Variants in ABCB1 observed in about 807,000 individuals in gnomAD.
ABCB1 encodes the protein ATP binding cassette subfamily B member 1, also known as ATP-dependent translocase ABCB1.
In ABCB1, 69 loss-of-function variants were observed where a neutral mutation model predicts 142.0. The observed-to-expected ratio is 0.49, with a 90% CI of 0.40 to 0.59. The LOEUF (loss-of-function observed/expected upper bound fraction) is 0.59, where lower values mean the gene tolerates loss of function less well. Ranked by LOEUF, ABCB1 falls within the 20% of genes least tolerant of loss-of-function variation. The pLI, the probability that ABCB1 is intolerant of heterozygous loss-of-function variation, is 0.00. For synonymous variants in ABCB1, 532 were observed against 539.2 expected (o/e 0.99, Z 0.18); for missense variants, 1,326 against 1,554.7 (o/e 0.85, Z 2.47).
At position 87,626,487 on chromosome 7, in the gene ABCB1, TATATATGTGTC is replaced by T. The variant is rs566403915; in HGVS notation, c.-330-25420_-330-25410del. On this transcript the variant is annotated intron_variant, in intron 1 of 28. Coordinates refer to the ABCB1 transcript ENST00000265724. ...ATATATGTGTCATATATATGTGTCA[TATATATGTGTC>T]ATATATGTGTCATATATATGTGTCA... 1.3e-3 allele frequency among the ~76,000 whole-genome samples: 15 copies of T among 11,344 alleles called. 5 individuals are homozygous for T. Among genetic ancestry groups the T allele is most frequent in the South Asian group, 0.012 (2 of 172 alleles). 7.4% of individuals were successfully genotyped at this position (11,344 alleles called of 152,430 possible).
At chr7:87,585,897 T>A (rs973568379) in intron 3 of ABCB1, among the ~76,000 whole-genome samples, 3 of 152,214 alleles carry the variant, frequency 2.0e-5, no homozygotes, top group Non-Finnish European at 4.4e-5. Flanking sequence ...TAATTCTTCA[T>A]ATTGGACTTG....
At chr7:87,599,454 C>A (rs1819348754) in intron 2 of ABCB1, among the ~76,000 whole-genome samples, 1 of 152,150 alleles carries the variant, frequency 6.6e-6, no homozygotes, top group African/African-American at 2.4e-5. Flanking sequence ...GCCTGGACCA[C>A]AGAGCAGATC....
At chr7:87,690,561 C>A (rs1312443089) in intron 1 of ABCB1, among the ~76,000 whole-genome samples, 1 of 152,094 alleles carries the variant, frequency 6.6e-6, no homozygotes, top group Non-Finnish European at 1.5e-5. Context: ...ATTTTAACTT[C>A]AGAACCTGTT....
chr7:87,583,692 C>T (rs1818615601), intron 4 of ABCB1, among the ~76,000 whole-genome samples: 1 of 152,126 alleles, frequency 6.6e-6, no homozygotes, highest in African/African-American at 2.4e-5. Flanking sequence ...GGAGCTCATG[C>T]ATGCTATTAA....
intron 3 of ABCB1, among the ~76,000 whole-genome samples, chr7:87,594,897 CT>C (rs1819134100): frequency 6.6e-6 from 1 of 152,116 alleles, no homozygotes; most frequent in Admixed American, 6.5e-5. Flanking sequence ...AAAAAAATTG[CT>C]GTGTTATGAC....
chr7:87,593,399 T>A (rs1819074149), intron 3 of ABCB1, among the ~76,000 whole-genome samples: 1 of 152,266 alleles, frequency 6.6e-6, no homozygotes, highest in Non-Finnish European at 1.5e-5. Flanking sequence ...ATCTATTCCT[T>A]ACTTCTTTCA....
At chr7:87,554,113 CTGACAT>C (rs1817212719) in intron 8 of ABCB1, among the ~76,000 whole-genome samples, 181 bp from the exon 9 acceptor site, 1 of 152,146 alleles carries the variant, frequency 6.6e-6, no homozygotes. Flanking sequence ...GAAGAAGAAA[CTGACAT>C]TTATAGAGAT....
chr7:87,696,636 G>A (rs1828515921), intron 1 of ABCB1, among the ~76,000 whole-genome samples: 1 of 152,040 alleles, frequency 6.6e-6, no homozygotes, highest in Non-Finnish European at 1.5e-5. Context: ...TCAGTGTCTT[G>A]AATTAAGAGC....
intron 1 of ABCB1, among the ~76,000 whole-genome samples, chr7:87,708,963 T>G: frequency 6.6e-6 from 1 of 152,306 alleles, no homozygotes; most frequent in East Asian, 1.9e-4. Flanking sequence ...TGGATCACCC[T>G]TATCAACTGA....
chr7:87,507,525 G>T (rs756103995), intron 26 of ABCB1, among the ~76,000 whole-genome samples: 11 of 152,124 alleles, frequency 7.2e-5, no homozygotes, highest in Non-Finnish European at 1.3e-4. Context: ...CTGGAGAAGG[G>T]TCAATTATCT....
intron 2 of ABCB1, among the ~76,000 whole-genome samples, chr7:87,597,931 T>A (rs1819272942): frequency 6.6e-6 from 1 of 152,198 alleles, no homozygotes; most frequent in Admixed American, 6.5e-5. Flanking sequence ...GGTAGTTATA[T>A]CTCTTTAGTC....
intron 7 of ABCB1, among the ~76,000 whole-genome samples, chr7:87,564,826 T>C (rs1018178233): frequency 5.3e-5 from 8 of 152,234 alleles, no homozygotes; most frequent in African/African-American, 1.7e-4. Context: ...TAACTCATGG[T>C]CTGTTTTTAA....
At chr7:87,528,702 C>A (rs1815904497) in intron 21 of ABCB1, among the ~76,000 whole-genome samples, 1 of 152,096 alleles carries the variant, frequency 6.6e-6, no homozygotes, top group South Asian at 2.1e-4. Context: ...GTCACATACA[C>A]CATTAATCAA....
chr7:87,574,329 G>C lies in ABCB1; in HGVS notation c.287-4106C>G, dbSNP rs546782555. Among the ~76,000 whole-genome samples the C allele has an allele frequency of 1.3e-3, 204 of 152,244 alleles. 1 individual carries two copies. The highest frequency in any genetic ancestry group is 4.8e-3 in the African/African-American group (201 of 41,540). Reference sequence around the variant, plus strand: ...GGCCTTCTCACTCATCTGAAACTATGTTGGCCTCCAAGACACACCCCAGGG... The same window carrying C: ...GGCCTTCTCACTCATCTGAAACTATCTTGGCCTCCAAGACACACCCCAGGG... On this transcript the variant is annotated intron_variant, in intron 4 of 27. Transcript: ENST00000622132.
chr7:87,515,798 T>C (rs1453894470), intron 24 of ABCB1, among the ~76,000 whole-genome samples: 1 of 151,676 alleles, frequency 6.6e-6, no homozygotes, highest in Non-Finnish European at 1.5e-5. Context: ...AGTTTCACCA[T>C]ATTGGCCAAG....
intron 1 of ABCB1, among the ~76,000 whole-genome samples, chr7:87,702,040 G>A (rs1829094053): frequency 6.6e-6 from 1 of 150,474 alleles, no homozygotes; most frequent in Admixed American, 6.6e-5. Flanking sequence ...CTACTTGGGA[G>A]GCTGAGGCAG....
At chr7:87,639,838 C>A (rs530417911) in intron 1 of ABCB1, among the ~76,000 whole-genome samples, 1 of 151,952 alleles carries the variant, frequency 6.6e-6, no homozygotes, top group South Asian at 2.1e-4. Flanking sequence ...TTTATGTAGT[C>A]TGATAATCTT....
intron 1 of ABCB1, chr7:87,694,123 G>A (rs1828282376): frequency 2.9e-6 from 2 of 699,900 alleles, no homozygotes; most frequent in Admixed American, 6.3e-5. Context: ...AATCCAGAGA[G>A]CACAAGTATG....
chr7:87,599,977 A>G, intron 2 of ABCB1, 140 bp downstream of exon 2: 1 of 812,090 alleles, frequency 1.2e-6, no homozygotes, highest in South Asian at 1.7e-5. Context: ...AAGCAGGGAT[A>G]TTGATTCCAA....
Sources: allele counts gnomAD v4.1 joint callset (sites outside exome capture counted in the v4.1 genomes callset), GRCh38; gene constraint gnomAD v4.1.1; transcripts MANE v1.5; gene names NCBI Gene and HGNC (gene_info 2026-07-23, HGNC 2026-07-21).